DENND4A: variants seen among roughly 807,000 people sequenced by gnomAD.
DENND4A encodes C-myc promoter-binding protein.
In DENND4A, 70 loss-of-function variants were observed where a neutral mutation model predicts 199.3. The observed-to-expected ratio is 0.35, with a 90% confidence interval of 0.29 to 0.43. The LOEUF is 0.43. DENND4A is among the 20% of genes least tolerant of loss of function. The pLI, the probability that DENND4A is intolerant of heterozygous loss-of-function variation, is 1.00. For missense variants in DENND4A, 1,723 were observed against 2,255.8 expected (o/e 0.76, Z 4.78); for synonymous variants, 686 against 766.9 (o/e 0.89, Z 1.74).
In DENND4A at chr15:65,745,971, C is replaced by CA. The variant is rs1036580868; in HGVS notation, c.562-4188dup. Among the ~76,000 whole-genome samples the CA allele has an allele frequency of 5.8e-3, 796 of 137,764 alleles. 2 individuals carry two copies. The highest frequency in any genetic ancestry group is 0.019 in the African/African-American group (662 of 35,296). The allele number at this position is 137,764 out of a possible 152,430, so 90.4% of individuals were successfully genotyped here. ...CAACATGGTGAAACCCCGTCTCTAC[C>CA]AAAAAAAAAAAATACAAAAATTAGC... On this transcript the variant is annotated intron_variant, in intron 4 of 32. Coordinates refer to ENST00000443035, the MANE Select transcript of DENND4A (RefSeq NM_001320835.1).
intron 16 of DENND4A, 64 bp from the exon 17 acceptor site, chr15:65,702,575 T>G (rs1314457750): frequency 7.6e-7 from 1 of 1,317,774 alleles, no homozygotes; most frequent in African/African-American, 1.5e-5. Context: ...TTTAACTGAG[T>G]GCTAAACAAG....
chr15:65,734,862 G>A (rs1289829476), intron 7 of DENND4A, among the ~76,000 whole-genome samples: 1 of 152,010 alleles, frequency 6.6e-6, no homozygotes, highest in East Asian at 1.9e-4. Flanking sequence ...CGAGTGAATT[G>A]ATTGAGCCTA....
chr15:65,673,026 AATT>A (rs2076265175), intron 24 of DENND4A, among the ~76,000 whole-genome samples: 1 of 151,898 alleles, frequency 6.6e-6, no homozygotes, highest in African/African-American at 2.4e-5. Context: ...ACACCCAGCT[AATT>A]TTTTGTAGTT....
At chr15:65,698,588 CGTT>C (rs1489607877) in intron 20 of DENND4A, among the ~76,000 whole-genome samples, 20 of 151,836 alleles carry the variant, frequency 1.3e-4, no homozygotes, top group Admixed American at 8.5e-4. Context: ...ACTTTAATAT[CGTT>C]GTTATAATTT....
intron 1 of DENND4A, chr15:65,771,044 A>G (rs2077111772): frequency 2.2e-6 from 2 of 896,712 alleles, no homozygotes; most frequent in African/African-American, 3.4e-5. Flanking sequence ...ACAGTCCAAG[A>G]TTTCAGGAAC....
chr15:65,788,684 C>T (rs2077632745), intron 1 of DENND4A, among the ~76,000 whole-genome samples: 1 of 151,226 alleles, frequency 6.6e-6, no homozygotes, highest in Non-Finnish European at 1.5e-5. Flanking sequence ...ATGGCAAAAC[C>T]CCATCTAAAA....
chr15:65,760,505 A>C (rs1470144139), intron 2 of DENND4A, among the ~76,000 whole-genome samples: 1 of 152,032 alleles, frequency 6.6e-6, no homozygotes, highest in Non-Finnish European at 1.5e-5. Flanking sequence ...CAAAATAATA[A>C]ATAAATAAAT....
chr15:65,780,708 G>A (rs2077414445), intron 1 of DENND4A, among the ~76,000 whole-genome samples: 1 of 152,190 alleles, frequency 6.6e-6, no homozygotes. Context: ...ATTAGTCATA[G>A]GCATTGTTCT....
chr15:65,710,145 C>T (rs1028806657), intron 14 of DENND4A, among the ~76,000 whole-genome samples: 1 of 152,032 alleles, frequency 6.6e-6, no homozygotes, highest in Non-Finnish European at 1.5e-5. Context: ...GGACGTAATA[C>T]CCTAGTTAGC....
At chr15:65,734,208 T>C (rs1238656849) in intron 7 of DENND4A, among the ~76,000 whole-genome samples, 1 of 152,138 alleles carries the variant, frequency 6.6e-6, no homozygotes, top group East Asian at 1.9e-4. Flanking sequence ...GTACGTTCCA[T>C]CTACTGAGAT....
chr15:65,752,875 T>C (rs1242014716), intron 3 of DENND4A, among the ~76,000 whole-genome samples: 1 of 152,168 alleles, frequency 6.6e-6, no homozygotes, highest in Non-Finnish European at 1.5e-5. Flanking sequence ...AAAGGTACAA[T>C]TAAATGTGAA....
intron 9 of DENND4A, 75 bp from the exon 10 acceptor site, chr15:65,729,753 A>T: frequency 1.5e-6 from 2 of 1,355,374 alleles, no homozygotes; most frequent in South Asian, 2.9e-5. Context: ...AATGGGCAAA[A>T]GTAGTTGATT....
chr15:65,746,453 C>G (rs1386083474), intron 4 of DENND4A, among the ~76,000 whole-genome samples: 1 of 124,330 alleles, frequency 8.0e-6, no homozygotes, highest in Non-Finnish European at 1.6e-5. Context: ...GTGGCATGAT[C>G]TCGGCTCACT....
At chr15:65,663,623 A>G (rs921885873) in intron 32 of DENND4A, among the ~76,000 whole-genome samples, 2 of 152,078 alleles carry the variant, frequency 1.3e-5, no homozygotes, top group African/African-American at 4.8e-5. Context: ...ATGTAATTAC[A>G]GTAGCTTCTA....
chr15:65,740,276 C>G (rs780992819), intron 5 of DENND4A, among the ~76,000 whole-genome samples: 26 of 147,600 alleles, frequency 1.8e-4, no homozygotes, highest in Non-Finnish European at 3.4e-4. Context: ...GAGATTCCAT[C>G]TCCCAAAAAA....
At chr15:65,667,834 A>G (rs1446524434) in intron 28 of DENND4A, 91 bp downstream of exon 28, 1 of 1,496,414 alleles carries the variant, frequency 6.7e-7, no homozygotes, top group Admixed American at 2.2e-5. Context: ...TCTTGGCAAT[A>G]ATAAAGCTAA....
intron 21 of DENND4A, chr15:65,696,907 AATC>A: frequency 3.1e-6 from 1 of 326,596 alleles, no homozygotes; most frequent in Non-Finnish European, 5.9e-6. Context: ...ATGAATACCC[AATC>A]ATCATGCTCA....
intron 4 of DENND4A, among the ~76,000 whole-genome samples, chr15:65,748,685 T>C (rs758732554): frequency 6.6e-6 from 1 of 150,706 alleles, no homozygotes; most frequent in African/African-American, 2.4e-5. Flanking sequence ...ATTTAAAATT[T>C]TGTGATTAAA....
intron 14 of DENND4A, among the ~76,000 whole-genome samples, chr15:65,707,383 T>C (rs1596484818): frequency 6.6e-6 from 1 of 152,272 alleles, no homozygotes; most frequent in African/African-American, 2.4e-5. Context: ...TATTAAGTAG[T>C]TAAACCTTTA....
Sources: allele counts gnomAD v4.1 joint callset (sites outside exome capture counted in the v4.1 genomes callset), GRCh38; gene constraint gnomAD v4.1.1; transcripts MANE v1.5; gene names NCBI Gene and HGNC (gene_info 2026-07-23, HGNC 2026-07-21).